The following EYS variants were observed in gnomAD, a reference collection of about 807,000 sequenced individuals.
The protein encoded by EYS is EGF-like photoreceptor maintenance factor, also known as protein eyes shut homolog.
EYS carries 250 observed loss-of-function variants against 282.1 expected under a neutral mutation model. The ratio of observed to expected loss-of-function variants is 0.89; its 90% CI spans 0.80 to 0.98. The LOEUF is 0.98. Among genes scored for constraint, EYS ranks in the 50% least tolerant of loss-of-function variants. The pLI is 0.00. For synonymous variants in EYS, 1,355 were observed against 1,282.9 expected (o/e 1.06, Z -1.20); for missense variants, 4,016 against 3,709.0 (o/e 1.08, Z -2.15).
intron 22 of EYS, among the ~76,000 whole-genome samples, chr6:64,802,023 C>CTTTTTTTCTTTTTTTTTTTTT (rs1663451250): frequency 1.4e-5 from 1 of 70,778 alleles, no homozygotes; most frequent in African/African-American, 4.9e-5. Context: ...ATTTCTTTTT[C>CTTTTTTTCTTTTTTTTTTTTT]TTTTTTTTTC....
chr6:64,507,459 A>G (rs550906360), intron 26 of EYS, among the ~76,000 whole-genome samples: 1 of 152,348 alleles, frequency 6.6e-6, no homozygotes, highest in Admixed American at 6.5e-5. Context: ...TCCATTCCCT[A>G]TATATGCATA....
intron 11 of EYS, among the ~76,000 whole-genome samples, chr6:65,296,709 T>C (rs1314430686): frequency 6.6e-6 from 1 of 151,894 alleles, no homozygotes; most frequent in African/African-American, 2.4e-5. Context: ...TTCATTATTT[T>C]AGTTTTTTAG....
intron 26 of EYS, among the ~76,000 whole-genome samples, chr6:64,468,307 T>C (rs745414868): frequency 1.3e-5 from 2 of 152,252 alleles, no homozygotes; most frequent in African/African-American, 2.4e-5. Context: ...ATTACATTAC[T>C]GTGTCCATTT....
At chr6:63,745,592 A>ATAGGCATTTT (rs1769191651) in intron 41 of EYS, among the ~76,000 whole-genome samples, 1 of 152,250 alleles carries the variant, frequency 6.6e-6, no homozygotes, top group African/African-American at 2.4e-5. Context: ...ATTCACATAA[A>ATAGGCATTTT]GAGTAATAGA....
chr6:64,723,087 GA>G (rs35150180), intron 22 of EYS, among the ~76,000 whole-genome samples: 1 of 146,748 alleles, frequency 6.8e-6, no homozygotes. Context: ...AGGCCCTAAG[GA>G]AAAAAAAAAA....
intron 13 of EYS, among the ~76,000 whole-genome samples, chr6:65,019,017 G>T (rs1325529536): frequency 6.6e-6 from 1 of 152,086 alleles, no homozygotes; most frequent in East Asian, 1.9e-4. Context: ...AACACAAAAT[G>T]GGGACCAGAA....
chr6:63,900,965 G>C (rs1176128584), intron 35 of EYS, among the ~76,000 whole-genome samples: 1 of 152,082 alleles, frequency 6.6e-6, no homozygotes, highest in Non-Finnish European at 1.5e-5. Flanking sequence ...AAAAAGGCCA[G>C]TACTCAACAA....
chr6:63,909,971 C>A (rs181570469), intron 35 of EYS, among the ~76,000 whole-genome samples: 4 of 152,068 alleles, frequency 2.6e-5, no homozygotes, highest in South Asian at 4.1e-4. Flanking sequence ...GAGGATGACA[C>A]CTCTAAAAGA....
intron 12 of EYS, among the ~76,000 whole-genome samples, chr6:65,215,219 G>T (rs879129094): frequency 6.6e-6 from 1 of 152,114 alleles, no homozygotes; most frequent in Admixed American, 6.6e-5. Flanking sequence ...ATTCTGGAAA[G>T]GATTCACCAT....
chr6:63,760,435 T>C (rs1408254007), intron 41 of EYS, among the ~76,000 whole-genome samples: 2 of 152,074 alleles, frequency 1.3e-5, no homozygotes, highest in Admixed American at 6.6e-5. Flanking sequence ...CTTGGTATAA[T>C]ATTTTAATGA....
chr6:65,545,056 A>C (rs1255666277), intron 2 of EYS, among the ~76,000 whole-genome samples: 1 of 152,132 alleles, frequency 6.6e-6, no homozygotes, highest in Non-Finnish European at 1.5e-5. Context: ...ATAACGGAAA[A>C]TTACATTTTA....
At chr6:65,040,682 T>A (rs1772907174) in intron 13 of EYS, among the ~76,000 whole-genome samples, 1 of 151,654 alleles carries the variant, frequency 6.6e-6, no homozygotes, top group African/African-American at 2.4e-5. Context: ...CTTTGCCAAA[T>A]GTCTCCTGGA....
chr6:64,329,162 T>C (rs1738772860), intron 29 of EYS, among the ~76,000 whole-genome samples: 1 of 152,172 alleles, frequency 6.6e-6, no homozygotes, highest in South Asian at 2.1e-4. Context: ...TGGTCCATAC[T>C]GGTGTGGAGC....
At position 64,770,650 on chromosome 6, in the gene EYS, CTT is replaced by C. The variant is rs1321801532; in HGVS notation, c.3443+42726_3443+42727del. Among the ~76,000 whole-genome samples the C allele has an allele frequency of 2.0e-5, 3 of 151,992 alleles. No homozygotes were observed. The East Asian group carries it at 5.8e-4, about 29-fold the overall frequency. On this transcript the variant is annotated intron_variant, in intron 22 of 42. Coordinates refer to ENST00000503581, the MANE Select transcript of EYS (RefSeq NM_001142800.2). Reference sequence around the variant, plus strand: ...TTTACAGTAGGTGAGTTTGGAAAGACTTTGAAGGTATGCAACATCACTATCAC... The same window carrying C: ...TTTACAGTAGGTGAGTTTGGAAAGACTGAAGGTATGCAACATCACTATCAC...
At chr6:63,830,154 T>C (rs991332041) in intron 36 of EYS, among the ~76,000 whole-genome samples, 9 of 152,224 alleles carry the variant, frequency 5.9e-5, no homozygotes, top group Non-Finnish European at 5.9e-5. Flanking sequence ...AATCGGAGTG[T>C]CTCTTCTCCT....
At chr6:63,746,267 G>A (rs561973346) in intron 41 of EYS, among the ~76,000 whole-genome samples, 27 of 152,298 alleles carry the variant, frequency 1.8e-4, no homozygotes, top group African/African-American at 6.3e-4. Context: ...GTATCCCAGG[G>A]ATGAAGCCGA....
At chr6:64,207,401 C>G (rs1398272109) in intron 31 of EYS, among the ~76,000 whole-genome samples, 7 of 152,012 alleles carry the variant, frequency 4.6e-5, no homozygotes, top group Non-Finnish European at 7.4e-5. Flanking sequence ...TATAAATTAC[C>G]CAGTCTGCAG....
intron 12 of EYS, among the ~76,000 whole-genome samples, chr6:65,217,328 T>A (rs1020204758): frequency 6.6e-6 from 1 of 152,092 alleles, no homozygotes; most frequent in African/African-American, 2.4e-5. Context: ...CTATGGTCAT[T>A]TCATTCCATG....
At chr6:65,656,561 G>T (rs958296468) in intron 1 of EYS, among the ~76,000 whole-genome samples, 4 of 151,880 alleles carry the variant, frequency 2.6e-5, no homozygotes, top group African/African-American at 7.2e-5. Flanking sequence ...ATTACGTGAA[G>T]ACAGAGAGAT....
Sources: allele counts gnomAD v4.1 joint callset (sites outside exome capture counted in the v4.1 genomes callset), GRCh38; gene constraint gnomAD v4.1.1; transcripts MANE v1.5; gene names NCBI Gene and HGNC (gene_info 2026-07-23, HGNC 2026-07-21).